IL36G: variants seen among roughly 807,000 people sequenced by gnomAD.
The protein encoded by IL36G is interleukin 36 gamma.
IL36G carries 10 observed loss-of-function variants against 13.5 expected under a neutral mutation model. The ratio of observed to expected loss-of-function variants is 0.74; its 90% CI spans 0.46 to 1.26. IL36G has a LOEUF of 1.26. Among genes scored for constraint, IL36G ranks in the 50% most tolerant of loss-of-function variants. IL36G has a pLI of 0.00. For synonymous variants in IL36G, 84 were observed against 74.0 expected, an observed-to-expected ratio of 1.13 and a Z score of -0.69; for missense variants, 199 against 203.0, an observed-to-expected ratio of 0.98 and a Z score of 0.12.
chr2:112,984,872 C>G lies in IL36G; in HGVS notation c.333C>G (p.Pro111=), dbSNP rs747785140. The change falls in exon 5 of 5, where the codon CCC becomes CCG. Residue 111 remains proline (P), a synonymous_variant. Transcript: ENST00000259205. ...AGATCATGGATCTGTATGGCCAACC[C>G]GAGCCCGTGAAACCCTTCCTTTTCT... The part of the protein sequence containing the change: ...EQKIMDLYGQ[P]EPVKPFLFYR... The G allele has an allele frequency of 3.1e-6, 5 of 1,614,090 alleles. No homozygotes were observed. Among genetic ancestry groups the G allele is most frequent in the Middle Eastern group, 1.6e-4 (1 of 6,062 alleles).
intron 4 of IL36G, chr2:112,981,300 C>A (rs777717434): frequency 9.6e-6 from 11 of 1,140,956 alleles, no homozygotes; most frequent in Non-Finnish European, 1.3e-5. Context: ...CCCTTCTTTG[C>A]AGGGGCATTT....
chr2:112,980,575 A>G (rs1213984200), intron 4 of IL36G, among the ~76,000 whole-genome samples: 13 of 152,244 alleles, frequency 8.5e-5, no homozygotes, highest in African/African-American at 3.1e-4. Flanking sequence ...TTTCACATTT[A>G]GCATGTGGTT....
intron 4 of IL36G, chr2:112,981,067 A>G: frequency 1.4e-6 from 1 of 714,002 alleles, no homozygotes; most frequent in Non-Finnish European, 2.5e-6. Flanking sequence ...AAAGAAAAGT[A>G]AAACAAAATT....
At chr2:112,978,855 A>G (rs1684212465) in intron 2 of IL36G, among the ~76,000 whole-genome samples, 162 bp downstream of exon 2, 1 of 152,034 alleles carries the variant, frequency 6.6e-6, no homozygotes, top group African/African-American at 2.4e-5. Flanking sequence ...GGAGGGTGGG[A>G]GCTATTGCTT....
At chr2:112,981,226 T>C (rs1573341733) in intron 4 of IL36G, 1 of 1,357,660 alleles carries the variant, frequency 7.4e-7, no homozygotes, top group East Asian at 2.3e-5. Flanking sequence ...CTCTATTTTC[T>C]GCAGAGTTAT....
In IL36G at chr2:112,985,015, A is replaced by G. The variant is rs1164455967; in HGVS notation, c.476A>G (p.Tyr159Cys). 5.6e-6 allele frequency: 9 copies of G among 1,614,070 alleles called. No homozygotes were observed. Among genetic ancestry groups the G allele is most frequent in the Admixed American group, 1.7e-5 (1 of 60,006 alleles). Reference sequence around the variant, plus strand: ...CTGACTTCAGAACTTGGGAAGTCATACAACACTGCCTTTGAATTAAATATA... The same window carrying G: ...CTGACTTCAGAACTTGGGAAGTCATGCAACACTGCCTTTGAATTAAATATA... The part of the protein sequence containing the change: ...IILTSELGKS[Y>C]NTAFELNIND The change falls in exon 5 of 5, where the codon TAC becomes TGC. Residue 159 changes from tyrosine to cysteine, a missense_variant. Coordinates refer to ENST00000259205, the MANE Select transcript of IL36G (RefSeq NM_019618.4).
intron 2 of IL36G, 104 bp downstream of exon 2, chr2:112,978,797 G>A: frequency 8.7e-7 from 1 of 1,150,924 alleles, no homozygotes; most frequent in South Asian, 1.3e-5. Flanking sequence ...TCTGTACACT[G>A]CCCTTCCCAC....
intron 4 of IL36G, 78 bp from the exon 5 acceptor site, chr2:112,984,762 A>G: frequency 8.2e-7 from 1 of 1,218,646 alleles, no homozygotes; most frequent in Non-Finnish European, 1.2e-6. Flanking sequence ...TGGAACATTT[A>G]TTGAATTATT....
intron 2 of IL36G, 150 bp from the exon 3 acceptor site, chr2:112,979,071 G>C (rs1050755620): frequency 8.9e-5 from 56 of 626,090 alleles, no homozygotes; most frequent in Non-Finnish European, 1.1e-4. Context: ...GAAAGGCTAG[G>C]CTGATGGGTG....
At chr2:112,982,768 T>A (rs2105013386) in intron 4 of IL36G, among the ~76,000 whole-genome samples, 1 of 152,266 alleles carries the variant, frequency 6.6e-6, no homozygotes. Context: ...CGTTTGGCAA[T>A]GTGTGGGTCT....
chr2:112,979,890 G>A (rs989249384), intron 3 of IL36G, 119 bp from the exon 4 acceptor site: 5 of 931,996 alleles, frequency 5.4e-6, no homozygotes, highest in African/African-American at 1.6e-5. Context: ...GGTGGGTCTA[G>A]TTGGGATTAC....
rs1203770726 is a variant in IL36G, at chr2:112,984,991, T to G, written c.452T>G (p.Leu151Arg). Residue 151 changes from leucine to arginine, a missense_variant, in exon 5 of 5, where the codon CTG becomes CGG. Physicochemically the swap from Leu to Arg is moderately radical, Grantham distance 102 (BLOSUM62 -2). Transcript: ENST00000259205. ...ASSKRDQPIILTSELGKSYNT... is the reference protein window; with the variant it reads ...ASSKRDQPIIRTSELGKSYNT... ...TCCAAGAGAGACCAGCCCATCATTCTGACTTCAGAACTTGGGAAGTCATAC... is the reference window on the plus strand; with the variant it reads ...TCCAAGAGAGACCAGCCCATCATTCGGACTTCAGAACTTGGGAAGTCATAC... 4 of 1,614,182 alleles carry G rather than the reference T, an allele frequency of 2.5e-6. No homozygotes were observed. Among genetic ancestry groups the G allele is most frequent in the African/African-American group, 1.3e-5 (1 of 75,052 alleles).
chr2:112,983,260 G>A (rs1372711743), intron 4 of IL36G, among the ~76,000 whole-genome samples: 2 of 152,116 alleles, frequency 1.3e-5, no homozygotes, highest in African/African-American at 4.8e-5. Flanking sequence ...AAAGGAGGAA[G>A]CATTCTTCCA....
chr2:112,984,313 G>T (rs1309853308), intron 4 of IL36G, among the ~76,000 whole-genome samples: 1 of 152,086 alleles, frequency 6.6e-6, no homozygotes, highest in Non-Finnish European at 1.5e-5. Flanking sequence ...TTTTTTGATT[G>T]CTCTATTTAC....
Position 112,985,060 on chromosome 2 carries a change from G to T in IL36G, c.*11G>T. ...AATATAAATGACTGAACTCAGCCTA[G>T]AGGTGGCAGCTTGGTCTTTGTCTTA... On this transcript the variant is annotated 3_prime_UTR_variant, in exon 5 of 5. Coordinates refer to ENST00000259205, the MANE Select transcript of IL36G (RefSeq NM_019618.4). 6.3e-7 allele frequency: 1 copy of T among 1,593,742 alleles called. No homozygotes were observed. The highest frequency in any genetic ancestry group is 1.1e-5 in the South Asian group (1 of 90,274).
chr2:112,979,454 G>A, intron 3 of IL36G, 129 bp downstream of exon 3: 1 of 612,412 alleles, frequency 1.6e-6, no homozygotes, highest in Non-Finnish European at 3.0e-6. Flanking sequence ...ACACCTAATT[G>A]GGAAGAGAAG....
chr2:112,978,951 T>G (rs971714282), intron 2 of IL36G, among the ~76,000 whole-genome samples: 1 of 152,072 alleles, frequency 6.6e-6, no homozygotes, highest in East Asian at 1.9e-4. Context: ...GGCACACAGG[T>G]TCTGTGAGAC....
chr2:112,979,181 T>G, intron 2 of IL36G, 40 bp from the exon 3 acceptor site: 1 of 1,286,806 alleles, frequency 7.8e-7, no homozygotes. Flanking sequence ...GCAGCCTTGA[T>G]TATAATATTT....
chr2:112,982,152 A>G (rs536918258), intron 4 of IL36G, among the ~76,000 whole-genome samples: 3 of 152,356 alleles, frequency 2.0e-5, no homozygotes, highest in Admixed American at 2.0e-4. Flanking sequence ...AAAAATGGTT[A>G]CAGCAGGATA....
Sources: gnomAD v4.1 joint callset for allele counts (sites outside exome capture counted in the v4.1 genomes callset) on GRCh38, gnomAD v4.1.1 for gene constraint, MANE v1.5 for transcripts, NCBI Gene and HGNC (gene_info 2026-07-23, HGNC 2026-07-21) for gene names.